The following CSPP1 variants were observed in gnomAD, a reference collection of about 807,000 sequenced individuals.
CSPP1 encodes centrosome and spindle pole-associated protein 1.
Under a neutral mutation model 164.4 loss-of-function variants are expected in CSPP1, and 126 were observed. The ratio of observed to expected loss-of-function variants is 0.77; its 90% confidence interval spans 0.66 to 0.89. The LOEUF is 0.89. CSPP1 is among the 40% of genes least tolerant of loss of function. The pLI is 0.00. For synonymous variants in CSPP1, 472 were observed against 476.7 expected, an observed-to-expected ratio of 0.99 and a Z score of 0.13; for missense variants, 1,395 against 1,449.8, an observed-to-expected ratio of 0.96 and a Z score of 0.61.
At position 67,095,289 on chromosome 8, in the gene CSPP1, A is replaced by G. The variant is rs142440392; in HGVS notation, c.484-4A>G. The G allele has an allele frequency of 3.7e-5, 56 of 1,525,794 alleles. No individual in the cohort carries two copies. The East Asian group carries it at 4.6e-4, about 12-fold the overall frequency. 94.5% of individuals were successfully genotyped at this position (1,525,794 alleles called of 1,614,324 possible). A position where few individuals can be genotyped will look rare whatever the true frequency, so the allele number is the denominator to read the frequency against. Reference sequence around the variant, plus strand: ...TGTTTCTTTTTTCTTTTTTAATTGAACAGCCCAAGAGTCAGAGAAATAAAA... The same window carrying G: ...TGTTTCTTTTTTCTTTTTTAATTGAGCAGCCCAAGAGTCAGAGAAATAAAA... On this transcript the variant is annotated splice_region_variant and splice_polypyrimidine_tract_variant and intron_variant, in intron 6 of 30. Coordinates refer to ENST00000678616, the MANE Select transcript of CSPP1 (RefSeq NM_001382391.1).
rs539302524 is a variant in CSPP1, at chr8:67,112,019, C to T, written c.1141C>T (p.Leu381=). The T allele has an allele frequency of 1.2e-4, 197 of 1,612,080 alleles. No individual in the cohort carries two copies. The highest frequency in any genetic ancestry group is 1.5e-4 in the Non-Finnish European group (178 of 1,178,942). ...TCAGAGAAGGAAAGAGAAATACAGA[C>T]TAGAACTGTTGGAACAAATGGCTGA... ...LIQRRKEKYR[L]ELLEQMAEQQ... Residue 381 remains leucine, a synonymous_variant, in exon 10 of 31, where the codon CTA becomes TTA. Transcript: ENST00000678616.
intron 19 of CSPP1, among the ~76,000 whole-genome samples, chr8:67,155,743 T>C (rs1826544280): frequency 6.6e-6 from 1 of 152,156 alleles, no homozygotes; most frequent in Non-Finnish European, 1.5e-5. Context: ...AGCCAAGATA[T>C]GCCACTTTAT....
rs991084700 is a variant in CSPP1, at chr8:67,158,504, GA to G, written c.2304del (p.Glu769LysfsTer32). 1.2e-6 allele frequency: 2 copies of G among 1,612,914 alleles called. No individual in the cohort carries two copies. The highest frequency in any genetic ancestry group is 1.7e-6 in the Non-Finnish European group (2 of 1,179,396). On this transcript the variant is annotated frameshift_variant, in exon 20 of 31. Coordinates refer to ENST00000678616, the MANE Select transcript of CSPP1 (RefSeq NM_001382391.1). LOFTEE classifies it high-confidence loss of function. ...AERERLRIAE[E>X]KEERRLAEQR... The stretch of plus-strand genomic sequence containing the variant: ...GCGAGAGAGACTGAGAATTGCAGAA[GA>G]AAAAGAAGAAAGACGGCTTGCAGAA...
intron 28 of CSPP1, among the ~76,000 whole-genome samples, chr8:67,181,089 G>T (rs1312131280): frequency 6.6e-6 from 1 of 151,908 alleles, no homozygotes; most frequent in East Asian, 1.9e-4. Context: ...CCAGGCTGGA[G>T]TGCAGCAGCA....
chr8:67,131,508 T>A (rs1410572448), intron 15 of CSPP1, among the ~76,000 whole-genome samples: 1 of 152,104 alleles, frequency 6.6e-6, no homozygotes, highest in Admixed American at 6.5e-5. Context: ...TTTGAGACAG[T>A]CAGACTTTTT....
chr8:67,074,477 A>G lies in CSPP1; in HGVS notation c.99+126A>G, dbSNP rs907147525. 2.0e-4 allele frequency: 109 copies of G among 556,004 alleles called. No homozygotes were observed. The East Asian group carries it at 3.5e-3, about 18-fold the overall frequency. The allele number at this position is 556,004 out of a possible 1,614,324, so 34.4% of individuals were successfully genotyped here. ...CTGTTTTGTAGTATGCTGTCATTCTAGGAGCCTGACTCCAGACAAGATTGC... is the reference window on the plus strand; with the variant it reads ...CTGTTTTGTAGTATGCTGTCATTCTGGGAGCCTGACTCCAGACAAGATTGC... On this transcript the variant is annotated intron_variant, in intron 2 of 30. Transcript: ENST00000678616.
rs150286037 is a variant in CSPP1 at position 67,104,516 on chromosome 8, A to G, written c.1022+1381A>G. Among the ~76,000 whole-genome samples, 18 of 152,166 alleles carry G rather than the reference A, an allele frequency of 1.2e-4. No homozygotes were observed. In the East Asian group the frequency reaches 3.5e-3, roughly 29 times the overall value. On this transcript the variant is annotated intron_variant, in intron 8 of 30. Coordinates refer to ENST00000678616, the MANE Select transcript of CSPP1 (RefSeq NM_001382391.1). ...CCAAACTCATGGTGGGATTACAGGCATGAGCCATTGCGCATGGCCAGGAAG... is the reference window on the plus strand; with the variant it reads ...CCAAACTCATGGTGGGATTACAGGCGTGAGCCATTGCGCATGGCCAGGAAG...
At chr8:67,128,984 G>A (rs1042617529) in intron 15 of CSPP1, among the ~76,000 whole-genome samples, 1 of 152,070 alleles carries the variant, frequency 6.6e-6, no homozygotes, top group African/African-American at 2.4e-5. Context: ...GTTAAAATAT[G>A]TAAAGTGTTT....
At chr8:67,126,051 C>G (rs1247651679) in intron 15 of CSPP1, among the ~76,000 whole-genome samples, 1 of 152,186 alleles carries the variant, frequency 6.6e-6, no homozygotes, top group African/African-American at 2.4e-5. Flanking sequence ...AGGCTGGTCT[C>G]CAACTCCTGA....
intron 13 of CSPP1, among the ~76,000 whole-genome samples, chr8:67,116,615 G>A (rs1351988651): frequency 6.6e-6 from 1 of 152,074 alleles, no homozygotes; most frequent in Non-Finnish European, 1.5e-5. Flanking sequence ...AAAGTGTTGA[G>A]ATTATAAAAC....
chr8:67,090,144 A>C (rs1353121732), intron 4 of CSPP1, among the ~76,000 whole-genome samples: 1 of 152,090 alleles, frequency 6.6e-6, no homozygotes, highest in Non-Finnish European at 1.5e-5. Context: ...AGTGTACTTC[A>C]GTATATAGGA....
chr8:67,177,070 CAAAAAAAAA>C (rs36084458), intron 26 of CSPP1, among the ~76,000 whole-genome samples: 1 of 51,864 alleles, frequency 1.9e-5, no homozygotes, highest in African/African-American at 7.2e-5. Context: ...GACTTAGTCT[CAAAAAAAAA>C]AAAAAAAAAA....
intron 24 of CSPP1, among the ~76,000 whole-genome samples, chr8:67,170,808 A>G (rs1330135454): frequency 6.6e-6 from 1 of 151,978 alleles, no homozygotes; most frequent in South Asian, 2.1e-4. Flanking sequence ...TATTTTTGAG[A>G]CGGCTTCTTG....
intron 7 of CSPP1, 83 bp downstream of exon 7, chr8:67,095,815 A>T (rs113988571): frequency 1.2e-6 from 1 of 818,962 alleles, no homozygotes; most frequent in Non-Finnish European, 1.9e-6. Flanking sequence ...TTTTATCATT[A>T]TACTAGGGAG....
rs1162635365 is a variant in CSPP1, at chr8:67,113,803, A to G, written c.1188-2A>G. On this transcript the variant is annotated splice_acceptor_variant, in intron 10 of 30. Coordinates refer to ENST00000678616, the MANE Select transcript of CSPP1 (RefSeq NM_001382391.1). LOFTEE classifies it high-confidence loss of function. ...AATATGTAAAACTTTAATTTTGTTT[A>G]GAGAAAAAGATTTAGAACTCAGGGT... 2.6e-6 allele frequency: 4 copies of G among 1,528,676 alleles called. No individual in the cohort carries two copies. The highest frequency in any genetic ancestry group is 2.4e-5 in the South Asian group (2 of 83,454). 94.7% of individuals were successfully genotyped at this position (1,528,676 alleles called of 1,614,324 possible).
At chr8:67,160,646 T>G (rs2129561447) in intron 21 of CSPP1, among the ~76,000 whole-genome samples, 1 of 152,072 alleles carries the variant, frequency 6.6e-6, no homozygotes, top group African/African-American at 2.4e-5. Flanking sequence ...GCATTTGCCT[T>G]TCTGAAATTA....
At chr8:67,100,369 T>G (rs1307129901) in intron 7 of CSPP1, among the ~76,000 whole-genome samples, 2 of 152,130 alleles carry the variant, frequency 1.3e-5, no homozygotes. Context: ...GTAAAAGATT[T>G]TTTAGTGTGG....
chr8:67,191,264 C>G (rs1274253142), intron 29 of CSPP1, among the ~76,000 whole-genome samples: 1 of 152,198 alleles, frequency 6.6e-6, no homozygotes, highest in Non-Finnish European at 1.5e-5. Context: ...ATGTCACCTC[C>G]TTGTTGAGTA....
At chr8:67,121,731 A>G (rs1819015843) in intron 15 of CSPP1, among the ~76,000 whole-genome samples, 1 of 152,108 alleles carries the variant, frequency 6.6e-6, no homozygotes, top group African/African-American at 2.4e-5. Context: ...GAGGATTTAT[A>G]TTAGTTCTTC....
Sources: gnomAD v4.1 joint callset for allele counts (sites outside exome capture counted in the v4.1 genomes callset) on GRCh38, gnomAD v4.1.1 for gene constraint, MANE v1.5 for transcripts, NCBI Gene and HGNC (gene_info 2026-07-23, HGNC 2026-07-21) for gene names.